Variants in TRABD2B observed in about 807,000 individuals in gnomAD.
TRABD2B encodes TraB domain containing 2B, also known as metalloprotease TIKI2.
TRABD2B carries 14 observed loss-of-function variants against 40.1 expected under a neutral mutation model. The observed-to-expected ratio is 0.35, with a 90% CI of 0.23 to 0.55. The LOEUF (loss-of-function observed/expected upper bound fraction) is 0.55. Among genes scored for constraint, TRABD2B ranks in the 20% least tolerant of loss-of-function variants. The pLI is 0.90. For missense variants in TRABD2B, 541 were observed against 648.6 expected (o/e 0.83, Z 1.80); for synonymous variants, 263 against 277.0 (o/e 0.95, Z 0.50).
At chr1:47,878,231 G>T (rs1447121072) in intron 2 of TRABD2B, among the ~76,000 whole-genome samples, 1 of 152,122 alleles carries the variant, frequency 6.6e-6, no homozygotes, top group East Asian at 1.9e-4. Flanking sequence ...CAGGAGAATT[G>T]CTTGAACCCG....
At chr1:47,780,330 A>G (rs1557560928) in intron 4 of TRABD2B, among the ~76,000 whole-genome samples, 1 of 152,184 alleles carries the variant, frequency 6.6e-6, no homozygotes, top group Non-Finnish European at 1.5e-5. Context: ...TCTGGCTCTC[A>G]GAGCCTATGG....
chr1:47,957,640 G>A (rs1645444018), intron 2 of TRABD2B, among the ~76,000 whole-genome samples: 1 of 152,118 alleles, frequency 6.6e-6, no homozygotes, highest in African/African-American at 2.4e-5. Flanking sequence ...TGAATTAAAT[G>A]AAGTGAGAAG....
chr1:47,992,746 T>A (rs914281565), intron 2 of TRABD2B, among the ~76,000 whole-genome samples: 3 of 152,146 alleles, frequency 2.0e-5, no homozygotes, highest in African/African-American at 7.2e-5. Context: ...ACACAGGATT[T>A]TCCCCCGTGG....
At chr1:47,957,054 T>C (rs1316238370) in intron 2 of TRABD2B, among the ~76,000 whole-genome samples, 2 of 152,200 alleles carry the variant, frequency 1.3e-5, no homozygotes, top group Non-Finnish European at 2.9e-5. Flanking sequence ...CTGCAAGATA[T>C]GCTGTTCTGT....
intron 2 of TRABD2B, among the ~76,000 whole-genome samples, chr1:47,891,066 T>C (rs544340675): frequency 1.3e-5 from 2 of 152,342 alleles, no homozygotes; most frequent in South Asian, 2.1e-4. Context: ...CACTATAACC[T>C]TGGACAAGTT....
intron 2 of TRABD2B, among the ~76,000 whole-genome samples, chr1:47,979,147 C>T (rs963248125): frequency 1.3e-5 from 2 of 152,164 alleles, no homozygotes; most frequent in Admixed American, 1.3e-4. Flanking sequence ...TGCTGAGGTA[C>T]TTGGCCTCCT....
chr1:47,855,166 A>C (rs1643878846), intron 2 of TRABD2B, among the ~76,000 whole-genome samples: 1 of 152,246 alleles, frequency 6.6e-6, no homozygotes, highest in African/African-American at 2.4e-5. Context: ...GAGTACAGAG[A>C]AATCGAATAA....
At chr1:47,917,841 G>A (rs899073676) in intron 2 of TRABD2B, among the ~76,000 whole-genome samples, 1 of 152,226 alleles carries the variant, frequency 6.6e-6, no homozygotes, top group African/African-American at 2.4e-5. Flanking sequence ...TGACATGCAT[G>A]TTGGCCCGCA....
intron 2 of TRABD2B, among the ~76,000 whole-genome samples, chr1:47,914,177 G>A (rs1644798879): frequency 6.6e-6 from 1 of 152,244 alleles, no homozygotes; most frequent in African/African-American, 2.4e-5. Context: ...CACCTGGCAG[G>A]TGACGTCGTG....
intron 6 of TRABD2B, among the ~76,000 whole-genome samples, chr1:47,768,459 T>C (rs1402023936): frequency 1.3e-5 from 2 of 151,782 alleles, no homozygotes; most frequent in South Asian, 2.1e-4. Context: ...TCTCAACACA[T>C]ACCACCCTCT....
chr1:47,904,495 G>T (rs1644649322), intron 2 of TRABD2B, among the ~76,000 whole-genome samples: 1 of 152,204 alleles, frequency 6.6e-6, no homozygotes, highest in Non-Finnish European at 1.5e-5. Flanking sequence ...GCAGTGGACA[G>T]GGAACAAGTA....
chr1:47,767,682 T>C (rs780885224), intron 6 of TRABD2B, among the ~76,000 whole-genome samples: 1 of 152,198 alleles, frequency 6.6e-6, no homozygotes. Context: ...TGCCCTTCCC[T>C]TTGGGCTGGC....
chr1:47,866,852 C>T (rs561668381), intron 2 of TRABD2B, among the ~76,000 whole-genome samples: 4 of 152,304 alleles, frequency 2.6e-5, no homozygotes, highest in African/African-American at 9.6e-5. Flanking sequence ...GCTGAAAGGC[C>T]TTGGGCGCCC....
chr1:47,888,367 G>A (rs1644401056), intron 2 of TRABD2B, among the ~76,000 whole-genome samples: 1 of 152,162 alleles, frequency 6.6e-6, no homozygotes, highest in Non-Finnish European at 1.5e-5. Context: ...TTGGGTTTGA[G>A]GGCAGGGTTC....
intron 2 of TRABD2B, among the ~76,000 whole-genome samples, chr1:47,945,165 A>T (rs923892346): frequency 2.0e-5 from 3 of 152,100 alleles, no homozygotes; most frequent in Non-Finnish European, 2.9e-5. Context: ...TCTGTTTTAG[A>T]TCTCTGTAGC....
chr1:47,930,357 C>G (rs74071857), intron 2 of TRABD2B, among the ~76,000 whole-genome samples: 22,526 of 152,220 alleles, frequency 0.15, 1,917 homozygotes, highest in East Asian at 0.35. Flanking sequence ...TGGGGTTTCT[C>G]TGGGCATCTG....
intron 2 of TRABD2B, among the ~76,000 whole-genome samples, chr1:47,858,867 G>A (rs1452297915): frequency 2.0e-5 from 3 of 152,210 alleles, no homozygotes; most frequent in Non-Finnish European, 4.4e-5. Context: ...CGGCCTGGTG[G>A]ACTAGTGGGA....
chr1:47,974,774 A>G (rs960628330), intron 2 of TRABD2B, among the ~76,000 whole-genome samples: 1 of 152,200 alleles, frequency 6.6e-6, no homozygotes, highest in Non-Finnish European at 1.5e-5. Flanking sequence ...AAAAAAGGGT[A>G]CCTCTATAGT....
At chr1:47,784,869 G>A (rs1644574027) in intron 4 of TRABD2B, among the ~76,000 whole-genome samples, 1 of 152,220 alleles carries the variant, frequency 6.6e-6, no homozygotes, top group Non-Finnish European at 1.5e-5. Context: ...TGTGCCAGGA[G>A]CTGACACACA....
Sources: allele counts gnomAD v4.1 joint callset (sites outside exome capture counted in the v4.1 genomes callset), GRCh38; gene constraint gnomAD v4.1.1; transcripts MANE v1.5; gene names NCBI Gene and HGNC (gene_info 2026-07-23, HGNC 2026-07-21).